The following AHI1 variants were observed in gnomAD, a reference collection of about 807,000 sequenced individuals.
The protein encoded by AHI1 is Abelson helper integration site 1.
A neutral mutation model predicts 149.3 loss-of-function variants in AHI1; 123 were observed. The ratio of observed to expected loss-of-function variants is 0.82; its 90% CI spans 0.71 to 0.96. The LOEUF (loss-of-function observed/expected upper bound fraction) is 0.96. Among genes scored for constraint, AHI1 ranks in the 40% least tolerant of loss-of-function variants. The pLI is 0.00. For missense variants in AHI1, 1,439 were observed against 1,422.7 expected, an observed-to-expected ratio of 1.01 and a Z score of -0.18; for synonymous variants, 475 against 459.8, an observed-to-expected ratio of 1.03 and a Z score of -0.42.
chr6:135,419,018 T>C (rs1782773675), intron 20 of AHI1, among the ~76,000 whole-genome samples: 1 of 151,770 alleles, frequency 6.6e-6, no homozygotes, highest in Non-Finnish European at 1.5e-5. Flanking sequence ...ACTGAGGTGA[T>C]GGATCCAAGA....
rs1180805823 is a variant in AHI1, at chr6:135,284,679, T to C, written c.*966A>G. ...TACAAAATAGGTATGTGCTTAAATA[T>C]GAAAAGCCTTTTTTAAAAAGTAAAG... is the stretch of plus-strand genomic sequence containing the variant. On this transcript the variant is annotated 3_prime_UTR_variant, in exon 29 of 29. Transcript: ENST00000265602. The C allele has an allele frequency of 6.6e-6, 1 of 152,084 alleles. No homozygotes were observed. The highest frequency in any genetic ancestry group is 1.9e-4 in the East Asian group (1 of 5,204). 9.4% of individuals were successfully genotyped at this position (152,084 alleles called of 1,614,324 possible).
rs575132898 is a variant in AHI1, at chr6:135,472,936, A to G, written c.136-5302T>C. On this transcript the variant is annotated intron_variant, in intron 5 of 28. Transcript: ENST00000265602. The stretch of plus-strand genomic sequence containing the variant: ...AAATATTTTATCTAAACCTATAGCT[A>G]TAAAATATTTTCATTTTTGTAGCAA... Among the ~76,000 whole-genome samples, 39 of 152,330 alleles carry G rather than the reference A, an allele frequency of 2.6e-4. 1 individual carries two copies. In the South Asian group the frequency reaches 7.2e-3, roughly 28 times the overall value.
chr6:135,339,169 T>C (rs1430267546), intron 24 of AHI1, among the ~76,000 whole-genome samples: 1 of 152,182 alleles, frequency 6.6e-6, no homozygotes, highest in East Asian at 1.9e-4. Context: ...AAGCAATTAA[T>C]GGTAACTGTT....
chr6:135,388,143 T>A (rs1777890093), intron 23 of AHI1: 1 of 1,200,780 alleles, frequency 8.3e-7, no homozygotes, highest in Admixed American at 2.1e-5. Flanking sequence ...TCAGTTAATT[T>A]TGTAGATTAC....
At chr6:135,469,403 A>C (rs934854290) in intron 5 of AHI1, among the ~76,000 whole-genome samples, 1 of 152,200 alleles carries the variant, frequency 6.6e-6, no homozygotes, top group Non-Finnish European at 1.5e-5. Flanking sequence ...CATACTGCCC[A>C]AAGTAATTTA....
intron 23 of AHI1, among the ~76,000 whole-genome samples, chr6:135,364,112 G>A (rs1412039579): frequency 2.4e-4 from 36 of 151,174 alleles, no homozygotes; most frequent in East Asian, 4.0e-4. Flanking sequence ...GCTGCCGGGC[G>A]GAGATGCTCC....
chr6:135,287,766 G>A (rs896922735), intron 28 of AHI1, among the ~76,000 whole-genome samples: 15 of 150,786 alleles, frequency 9.9e-5, no homozygotes, highest in African/African-American at 3.7e-4. Flanking sequence ...GTTAGTGTTT[G>A]TGTGTATGTT....
chr6:135,390,215 G>A (rs1430341196), intron 23 of AHI1, among the ~76,000 whole-genome samples: 1 of 152,112 alleles, frequency 6.6e-6, no homozygotes, highest in Non-Finnish European at 1.5e-5. Context: ...TCTCTGTACA[G>A]AGCCTGTTGT....
At chr6:135,444,697 A>C (rs1182206870) in intron 13 of AHI1, among the ~76,000 whole-genome samples, 1 of 152,228 alleles carries the variant, frequency 6.6e-6, no homozygotes, top group Non-Finnish European at 1.5e-5. Flanking sequence ...GTTTTCATAA[A>C]AATAAAATAA....
intron 5 of AHI1, among the ~76,000 whole-genome samples, chr6:135,489,106 T>C (rs117833137): frequency 0.027 from 4,128 of 152,302 alleles, 73 homozygotes; most frequent in Non-Finnish European, 0.042. Context: ...AAGTTAATCA[T>C]GTCAAAAATA....
chr6:135,448,610 G>C, intron 11 of AHI1, 135 bp from the exon 12 acceptor site: 1 of 687,166 alleles, frequency 1.5e-6, no homozygotes, highest in South Asian at 4.4e-5. Flanking sequence ...AAAAAGCAAA[G>C]AACATTAAAT....
intron 23 of AHI1, among the ~76,000 whole-genome samples, chr6:135,364,079 C>A (rs1348416295): frequency 1.3e-5 from 2 of 151,568 alleles, no homozygotes; most frequent in Non-Finnish European, 2.9e-5. Flanking sequence ...GCTGACCCCC[C>A]CACCTCCCTC....
intron 9 of AHI1, 36 bp downstream of exon 9, chr6:135,457,458 G>C: frequency 6.6e-7 from 1 of 1,507,044 alleles, no homozygotes; most frequent in Non-Finnish European, 9.1e-7. Context: ...ACTAGTTTCA[G>C]TTTCAAGAAT....
intron 28 of AHI1, among the ~76,000 whole-genome samples, chr6:135,289,947 G>T (rs1000450092): frequency 2.0e-5 from 3 of 151,816 alleles, no homozygotes; most frequent in Admixed American, 2.0e-4. Flanking sequence ...GGCGTATCTC[G>T]GTGGAAAAAG....
chr6:135,335,750 G>A (rs974959131), intron 24 of AHI1, among the ~76,000 whole-genome samples: 1 of 152,148 alleles, frequency 6.6e-6, no homozygotes, highest in Admixed American at 6.5e-5. Context: ...ATTTTTAAAT[G>A]AGAATAAATC....
rs1430233361 is a variant in AHI1 at position 135,362,634 on chromosome 6, T to C, written c.3110-4447A>G. 6.6e-5 allele frequency among the ~76,000 whole-genome samples: 10 copies of C among 152,222 alleles called. 1 individual carries two copies. Among genetic ancestry groups the C allele is most frequent in the Admixed American group, 6.5e-4 (10 of 15,292 alleles). On this transcript the variant is annotated intron_variant, in intron 23 of 28. Coordinates refer to ENST00000265602, the MANE Select transcript of AHI1 (RefSeq NM_001134831.2). Reference sequence around the variant, plus strand: ...ATTAGTGATGCTGAGCATTTTTTCATATGCTTGTTGGCCATTTGTATATCT... The same window carrying C: ...ATTAGTGATGCTGAGCATTTTTTCACATGCTTGTTGGCCATTTGTATATCT...
chr6:135,378,828 G>C (rs915190398), intron 23 of AHI1, among the ~76,000 whole-genome samples: 4 of 151,976 alleles, frequency 2.6e-5, no homozygotes, highest in Admixed American at 6.6e-5. Flanking sequence ...AACAACAAAA[G>C]AAGCTTCTTG....
intron 6 of AHI1, among the ~76,000 whole-genome samples, 189 bp from the exon 7 acceptor site, chr6:135,466,562 GTAATC>G: frequency 6.6e-6 from 1 of 152,246 alleles, no homozygotes; most frequent in Middle Eastern, 3.4e-3. Context: ...AATTTGATTA[GTAATC>G]TCTGAATGTA....
chr6:135,441,656 G>C (rs1439263728), intron 14 of AHI1, among the ~76,000 whole-genome samples: 1 of 151,974 alleles, frequency 6.6e-6, no homozygotes, highest in Non-Finnish European at 1.5e-5. Flanking sequence ...CATAAAATCG[G>C]AATAAAATAA....
Sources: allele counts gnomAD v4.1 joint callset (sites outside exome capture counted in the v4.1 genomes callset), GRCh38; gene constraint gnomAD v4.1.1; transcripts MANE v1.5; gene names NCBI Gene and HGNC (gene_info 2026-07-23, HGNC 2026-07-21).